B4GALT6: variants seen among roughly 807,000 people sequenced by gnomAD.
The protein encoded by B4GALT6 is beta-1,4-galactosyltransferase 6, also known as UDP-Gal:beta-GlcNAc beta-1,4-galactosyltransferase 6.
In B4GALT6, 14 loss-of-function variants were observed where a neutral mutation model predicts 46.3. The ratio of observed to expected loss-of-function variants is 0.30; its 90% CI spans 0.20 to 0.47. The LOEUF is 0.47. Among genes scored for constraint, B4GALT6 ranks in the 20% least tolerant of loss-of-function variants. B4GALT6 has a pLI of 0.99. For synonymous variants in B4GALT6, 168 were observed against 162.0 expected (o/e 1.04, Z -0.28); for missense variants, 386 against 480.1 (o/e 0.80, Z 1.83).
upstream of B4GALT6, among the ~76,000 whole-genome samples, chr18:31,687,044 C>T (rs185739831): frequency 2.0e-5 from 3 of 152,308 alleles, no homozygotes; most frequent in African/African-American, 4.8e-5. Flanking sequence ...ACCTAGCTGG[C>T]ATAGATGACT....
At chr18:31,711,323 CA>C in the B4GALT6 span, among the ~76,000 whole-genome samples, 1 of 152,102 alleles carries the variant, frequency 6.6e-6, no homozygotes, top group East Asian at 1.9e-4. Context: ...ATTCATGCCA[CA>C]GGGGTTTGTG....
rs577025669 is a variant in B4GALT6, at chr18:31,657,965, T to A, written c.346+11A>T. On this transcript the variant is annotated intron_variant, in intron 3 of 8. Transcript: ENST00000306851. ...AGTAAACAGTTAAGTCAAAATTAGA[T>A]GACGACTTACGCATATAAGGCAGCT... is the stretch of plus-strand genomic sequence containing the variant. 8.8e-6 allele frequency: 14 copies of A among 1,594,252 alleles called. No homozygotes were observed. The South Asian group carries it at 1.6e-4, about 18-fold the overall frequency.
upstream of B4GALT6, among the ~76,000 whole-genome samples, chr18:31,685,367 G>A (rs1244439798): frequency 6.6e-6 from 1 of 151,656 alleles, no homozygotes; most frequent in African/African-American, 2.4e-5. Flanking sequence ...TCTGGTTGGA[G>A]AAAGAGGCGG....
chr18:31,714,145 A>T, the B4GALT6 span, among the ~76,000 whole-genome samples: 1 of 152,232 alleles, frequency 6.6e-6, no homozygotes, highest in Non-Finnish European at 1.5e-5. Flanking sequence ...ATTAAGTGTA[A>T]ATAAAATTAA....
intron 3 of B4GALT6, among the ~76,000 whole-genome samples, chr18:31,652,676 A>G (rs1378896674): frequency 6.6e-6 from 1 of 152,166 alleles, no homozygotes; most frequent in African/African-American, 2.4e-5. Context: ...ACTCTGTATC[A>G]CACTTCAGTT....
upstream of B4GALT6, chr18:31,685,579 C>T (rs904968041): frequency 6.6e-6 from 1 of 152,332 alleles, no homozygotes. Context: ...CCTCCCCGCG[C>T]CCGCCGCACC....
In B4GALT6 at chr18:31,657,975, C is replaced by T. The variant is rs1213445743; in HGVS notation, c.346+1G>A. 7 of 1,603,504 alleles carry T rather than the reference C, an allele frequency of 4.4e-6. No individual in the cohort carries two copies. Among genetic ancestry groups the T allele is most frequent in the African/African-American group, 1.3e-5 (1 of 74,488 alleles). On this transcript the variant is annotated splice_donor_variant, in intron 3 of 8. Coordinates refer to ENST00000306851, the MANE Select transcript of B4GALT6 (RefSeq NM_004775.5). LOFTEE classifies it high-confidence loss of function. ...TAAGTCAAAATTAGATGACGACTTA[C>T]GCATATAAGGCAGCTTTTCTGGACA...
chr18:31,648,882 A>C (rs769505408), intron 3 of B4GALT6, among the ~76,000 whole-genome samples: 1 of 152,118 alleles, frequency 6.6e-6, no homozygotes, highest in Non-Finnish European at 1.5e-5. Context: ...TTTTGCTTGG[A>C]GCCTATATCT....
chr18:31,700,722 C>A, the B4GALT6 span, among the ~76,000 whole-genome samples: 3 of 152,042 alleles, frequency 2.0e-5, no homozygotes, highest in Middle Eastern at 3.2e-3. Flanking sequence ...TCCCAAAGTG[C>A]TGGGATTGCA....
intron 5 of B4GALT6, 150 bp from the exon 6 acceptor site, chr18:31,631,296 C>T (rs1207480965): frequency 1.3e-6 from 1 of 785,642 alleles, no homozygotes; most frequent in South Asian, 2.3e-5. Flanking sequence ...TCGTGATCCA[C>T]CCACCTCAGC....
At chr18:31,660,864 T>C (rs1034172601) in intron 2 of B4GALT6, among the ~76,000 whole-genome samples, 5 of 151,894 alleles carry the variant, frequency 3.3e-5, no homozygotes, top group Non-Finnish European at 5.9e-5. Flanking sequence ...TTGTAAAATT[T>C]AAAAATACAA....
At chr18:31,683,730 C>T (rs1322145487) in intron 1 of B4GALT6, among the ~76,000 whole-genome samples, 3 of 152,118 alleles carry the variant, frequency 2.0e-5, no homozygotes, top group Non-Finnish European at 4.4e-5. Flanking sequence ...GAAAATAACA[C>T]CCAAGCAGAC....
the B4GALT6 span, among the ~76,000 whole-genome samples, chr18:31,703,812 A>C: frequency 6.6e-6 from 1 of 152,194 alleles, no homozygotes; most frequent in Non-Finnish European, 1.5e-5. Flanking sequence ...ATGTCTAAGA[A>C]TCCATATGGA....
chr18:31,674,901 A>T (rs531529784), intron 1 of B4GALT6, among the ~76,000 whole-genome samples: 16 of 152,350 alleles, frequency 1.1e-4, no homozygotes, highest in African/African-American at 3.6e-4. Context: ...GACCATGGTG[A>T]CAATAATTCA....
chr18:31,680,477 A>T (rs1421091424), intron 1 of B4GALT6, among the ~76,000 whole-genome samples: 1 of 152,168 alleles, frequency 6.6e-6, no homozygotes, highest in East Asian at 1.9e-4. Flanking sequence ...GGGAGGCCCA[A>T]ATAACAAAGC....
upstream of B4GALT6, among the ~76,000 whole-genome samples, chr18:31,689,042 CA>C (rs879697794): frequency 2.0e-5 from 3 of 152,132 alleles, no homozygotes; most frequent in Non-Finnish European, 4.4e-5. Context: ...GGTACACTGA[CA>C]GGGGAAAAAC....
At chr18:31,640,751 G>A (rs1371543359) in intron 4 of B4GALT6, among the ~76,000 whole-genome samples, 1 of 152,086 alleles carries the variant, frequency 6.6e-6, no homozygotes, top group Non-Finnish European at 1.5e-5. Context: ...TCCTGCCCCC[G>A]CACAATGGCT....
intron 1 of B4GALT6, among the ~76,000 whole-genome samples, chr18:31,671,746 C>G (rs1465592760): frequency 6.6e-6 from 1 of 152,022 alleles, no homozygotes; most frequent in Non-Finnish European, 1.5e-5. Context: ...TATAAGAAAC[C>G]CTCATTTCAT....
chr18:31,690,429 C>A (rs2030070041), upstream of B4GALT6, among the ~76,000 whole-genome samples: 1 of 151,836 alleles, frequency 6.6e-6, no homozygotes, highest in Non-Finnish European at 1.5e-5. Context: ...CCATGCCCAA[C>A]CCCTGCAGTC....
Sources: allele counts gnomAD v4.1 joint callset (sites outside exome capture counted in the v4.1 genomes callset), GRCh38; gene constraint gnomAD v4.1.1; transcripts MANE v1.5; gene names NCBI Gene and HGNC (gene_info 2026-07-23, HGNC 2026-07-21).